The following PIP5K1A variants were observed in gnomAD, a reference collection of about 807,000 sequenced individuals.
The protein encoded by PIP5K1A is phosphatidylinositol-4-phosphate 5-kinase type 1 alpha.
A neutral mutation model predicts 72.9 loss-of-function variants in PIP5K1A; 46 were observed. That is an observed-to-expected ratio of 0.63 (90% CI 0.50 to 0.81). The LOEUF is 0.81. PIP5K1A is among the 30% of genes least tolerant of loss of function. The pLI is 0.00. For missense variants in PIP5K1A, 458 were observed against 706.1 expected (o/e 0.65, Z 3.98); for synonymous variants, 228 against 255.1 (o/e 0.89, Z 1.01).
chr1:151,228,876 A>T (rs1180908870), intron 4 of PIP5K1A, among the ~76,000 whole-genome samples: 2 of 151,442 alleles, frequency 1.3e-5, no homozygotes, highest in African/African-American at 2.4e-5. Context: ...ACTTTTACTG[A>T]GCTCTTCATT....
chr1:151,230,989 T>G (rs1689960296), intron 4 of PIP5K1A, among the ~76,000 whole-genome samples: 1 of 152,174 alleles, frequency 6.6e-6, no homozygotes, highest in Non-Finnish European at 1.5e-5. Flanking sequence ...TTGGGAGTTC[T>G]GAGGTTAGGA....
intron 1 of PIP5K1A, among the ~76,000 whole-genome samples, chr1:151,205,528 C>CGG (rs1346326008): frequency 6.6e-6 from 1 of 151,082 alleles, no homozygotes; most frequent in Non-Finnish European, 1.5e-5. Flanking sequence ...GAACAAGAGC[C>CGG]GGGCATGGTG....
At chr1:151,214,773 A>G (rs1687338111) in intron 1 of PIP5K1A, among the ~76,000 whole-genome samples, 1 of 152,076 alleles carries the variant, frequency 6.6e-6, no homozygotes, top group African/African-American at 2.4e-5. Context: ...TTGGAGCGCA[A>G]TGGTGTGATC....
intron 14 of PIP5K1A, among the ~76,000 whole-genome samples, chr1:151,246,152 C>T (rs4971021): frequency 0.64 from 97,745 of 151,746 alleles, 31,831 homozygotes; most frequent in Non-Finnish European, 0.7. Flanking sequence ...GAGGCCGAGG[C>T]GAGAGAATTG....
chr1:151,205,426 T>G (rs587655972), intron 1 of PIP5K1A, among the ~76,000 whole-genome samples: 8 of 152,032 alleles, frequency 5.3e-5, no homozygotes, highest in Admixed American at 5.2e-4. Context: ...TCCTCCTGCC[T>G]TGGCTTCCCA....
rs587671699 is a variant in PIP5K1A, at chr1:151,214,364, TTTTTTGTTTTTG to T, written c.86-9858_86-9847del. Among the ~76,000 whole-genome samples the T allele has an allele frequency of 3.8e-3, 572 of 152,048 alleles. 2 individuals are homozygous for T. Among genetic ancestry groups the T allele is most frequent in the Non-Finnish European group, 4.8e-3 (328 of 67,998 alleles). On this transcript the variant is annotated intron_variant, in intron 1 of 15. Transcript: ENST00000368888. Reference sequence around the variant, plus strand: ...GGCTTTTTGCTTTGTTTTTTTCTGTTTTTTTGTTTTTGTTTTTGTTTTTGTTTTTGTTTTGAG... The same window carrying T: ...GGCTTTTTGCTTTGTTTTTTTCTGTTTTTTTGTTTTTGTTTTTGTTTTGAG...
chr1:151,240,500 G>A (rs1691525632), intron 12 of PIP5K1A, among the ~76,000 whole-genome samples: 1 of 152,182 alleles, frequency 6.6e-6, no homozygotes, highest in African/African-American at 2.4e-5. Flanking sequence ...TTTAGGAAGT[G>A]CCAATATTTT....
intron 14 of PIP5K1A, among the ~76,000 whole-genome samples, chr1:151,245,853 G>A (rs1398440746): frequency 1.3e-5 from 2 of 152,126 alleles, no homozygotes; most frequent in Non-Finnish European, 2.9e-5. Flanking sequence ...CCAAATTTTA[G>A]ATTTTTGTTA....
At chr1:151,238,409 G>A (rs777267549) in intron 10 of PIP5K1A, 144 bp downstream of exon 10, 1 of 644,918 alleles carries the variant, frequency 1.6e-6, no homozygotes, top group Non-Finnish European at 2.8e-6. Flanking sequence ...TTAGTTTTCA[G>A]ATGGTTTATT....
chr1:151,204,299 C>T (rs1685636959), intron 1 of PIP5K1A, among the ~76,000 whole-genome samples: 2 of 152,168 alleles, frequency 1.3e-5, no homozygotes, highest in African/African-American at 4.8e-5. Context: ...GCCTCTGCCT[C>T]CTGAGTAGGT....
intron 1 of PIP5K1A, among the ~76,000 whole-genome samples, chr1:151,212,754 T>C (rs1166912987): frequency 6.6e-6 from 1 of 151,454 alleles, no homozygotes; most frequent in African/African-American, 2.4e-5. Context: ...TCTGTATTTT[T>C]AGTAGAGACG....
intron 1 of PIP5K1A, among the ~76,000 whole-genome samples, chr1:151,199,442 G>A (rs1056914566): frequency 6.6e-6 from 1 of 151,880 alleles, no homozygotes; most frequent in Non-Finnish European, 1.5e-5. Flanking sequence ...GAGAAATCTC[G>A]TCCCTACTAA....
At chr1:151,237,688 CT>C (rs1165297627) in intron 9 of PIP5K1A, among the ~76,000 whole-genome samples, 1 of 152,058 alleles carries the variant, frequency 6.6e-6, no homozygotes, top group African/African-American at 2.4e-5. Flanking sequence ...TTATAGACTT[CT>C]TTGTGGAAGG....
intron 1 of PIP5K1A, among the ~76,000 whole-genome samples, chr1:151,213,046 A>T (rs1452942424): frequency 6.6e-6 from 1 of 151,264 alleles, no homozygotes; most frequent in African/African-American, 2.4e-5. Context: ...GCCCGCCACC[A>T]CGCCCGGCTA....
chr1:151,201,530 G>GT (rs1685213804), intron 1 of PIP5K1A, among the ~76,000 whole-genome samples: 1 of 151,564 alleles, frequency 6.6e-6, no homozygotes, highest in African/African-American at 2.4e-5. Context: ...ATTTTTTTGT[G>GT]TTTTTAGTAG....
chr1:151,224,723 T>C (rs1688861731), intron 3 of PIP5K1A, among the ~76,000 whole-genome samples: 1 of 152,186 alleles, frequency 6.6e-6, no homozygotes, highest in Non-Finnish European at 1.5e-5. Flanking sequence ...TGTTATGGCC[T>C]CCTGATTGCA....
At chr1:151,229,835 G>A (rs1284507779) in intron 4 of PIP5K1A, among the ~76,000 whole-genome samples, 3 of 151,290 alleles carry the variant, frequency 2.0e-5, no homozygotes, top group African/African-American at 7.3e-5. Flanking sequence ...TGTAATCCCA[G>A]CACTTTGGGA....
chr1:151,246,672 C>T (rs911102650), intron 14 of PIP5K1A, among the ~76,000 whole-genome samples: 8 of 152,034 alleles, frequency 5.3e-5, no homozygotes, highest in African/African-American at 1.9e-4. Flanking sequence ...AGGGTACCTA[C>T]GACACCTGGA....
chr1:151,208,680 G>T (rs587646860), intron 1 of PIP5K1A, among the ~76,000 whole-genome samples: 75 of 124,148 alleles, frequency 6.0e-4, no homozygotes, highest in African/African-American at 2.3e-3. Context: ...TTCTTAATTT[G>T]CTTGATCCAG....
Sources: gnomAD v4.1 joint callset for allele counts (sites outside exome capture counted in the v4.1 genomes callset) on GRCh38, gnomAD v4.1.1 for gene constraint, MANE v1.5 for transcripts, NCBI Gene and HGNC (gene_info 2026-07-23, HGNC 2026-07-21) for gene names.